Variants in MAPK13 observed in about 807,000 individuals in gnomAD.
MAPK13 encodes the protein mitogen-activated protein kinase 13, also known as MAP kinase 13.
A neutral mutation model predicts 53.5 loss-of-function variants in MAPK13; 39 were observed. The observed-to-expected ratio is 0.73, with a 90% CI of 0.56 to 0.95. The LOEUF (loss-of-function observed/expected upper bound fraction) is 0.95. Among genes scored for constraint, MAPK13 ranks in the 40% least tolerant of loss-of-function variants. MAPK13 has a pLI of 0.00. For synonymous variants in MAPK13, 179 were observed against 190.9 expected (o/e 0.94, Z 0.51); for missense variants, 460 against 471.8 (o/e 0.98, Z 0.23).
intron 3 of MAPK13, among the ~76,000 whole-genome samples, chr6:36,133,409 T>C (rs1766356330): frequency 6.6e-6 from 1 of 152,050 alleles, no homozygotes; most frequent in Non-Finnish European, 1.5e-5. Flanking sequence ...TGATCTAAAG[T>C]AGGGATCTAA....
chr6:36,135,146 A>G (rs1287047873), intron 3 of MAPK13, among the ~76,000 whole-genome samples: 1 of 152,192 alleles, frequency 6.6e-6, no homozygotes, highest in Admixed American at 6.5e-5. Context: ...CCCCTGGCCT[A>G]TTTTATAATT....
intron 8 of MAPK13, 83 bp from the exon 9 acceptor site, chr6:36,138,282 C>CG (rs1766460254): frequency 2.9e-6 from 3 of 1,026,172 alleles, no homozygotes; most frequent in Non-Finnish European, 4.6e-6. Flanking sequence ...CCATGGTGCC[C>CG]GGGTGAAGTG....
chr6:36,137,297 T>C (rs1442423168), intron 8 of MAPK13, among the ~76,000 whole-genome samples: 1 of 151,732 alleles, frequency 6.6e-6, no homozygotes, highest in African/African-American at 2.4e-5. Flanking sequence ...GGGCAGATCA[T>C]GAGGTCAGGA....
intron 8 of MAPK13, 53 bp from the exon 9 acceptor site, chr6:36,138,312 G>C: frequency 7.2e-7 from 1 of 1,394,078 alleles, no homozygotes; most frequent in Non-Finnish European, 1.0e-6. Flanking sequence ...TCGCAGGAAG[G>C]GCAGTCTCAG....
rs939865154 is a variant in MAPK13 at position 36,130,866 on chromosome 6, A to G, written c.119+165A>G. 1 of 510,844 alleles carries G rather than the reference A, an allele frequency of 2.0e-6. No individual in the cohort carries two copies. The highest frequency in any genetic ancestry group is 2.1e-5 in the African/African-American group (1 of 48,684). 31.6% of individuals were successfully genotyped at this position (510,844 alleles called of 1,614,324 possible). ...AGCGGCCATCTCCCTTTTCTCACCG[A>G]GTGGCTGAGTGAGGTCTCTGGGGGT... On this transcript the variant is annotated intron_variant, in intron 1 of 11. Transcript: ENST00000211287. This position sits in a 1 kb window ranked among gnomAD's most constrained non-coding sequence, Gnocchi z 4.5.
intron 3 of MAPK13, among the ~76,000 whole-genome samples, chr6:36,133,673 G>A (rs1413109961): frequency 6.6e-6 from 1 of 152,194 alleles, no homozygotes; most frequent in African/African-American, 2.4e-5. Context: ...AAATAAATAT[G>A]AACCTCAGGA....
At position 36,131,291 on chromosome 6, in the gene MAPK13, C is replaced by T. The variant is rs1275889575; in HGVS notation, c.140C>T (p.Ser47Leu). 6.2e-7 allele frequency: 1 copy of T among 1,613,530 alleles called. No individual in the cohort carries two copies. Among genetic ancestry groups the T allele is most frequent in the Non-Finnish European group, 8.5e-7 (1 of 1,179,772 alleles). ...GACAGCTCGGCCATCGACAAGCGGTCAGGGGAGAAGGTGGCCATCAAGAAG... is the reference window on the plus strand; with the variant it reads ...GACAGCTCGGCCATCGACAAGCGGTTAGGGGAGAAGGTGGCCATCAAGAAG... ...GSVCSAIDKR[S>L]GEKVAIKKLS... Residue 47 changes from serine to leucine, a missense_variant, in exon 2 of 12, where the codon TCA (serine) becomes TTA (leucine). By Grantham distance (145) the Ser-to-Leu change is moderately radical (BLOSUM62 -2). Coordinates refer to ENST00000211287, the MANE Select transcript of MAPK13 (RefSeq NM_002754.5).
Position 36,138,937 on chromosome 6 carries a change from GCAGGCCCTCACC to G in MAPK13, c.903_914del (p.Gln301_Thr304del), listed in dbSNP as rs752189823. 35 of 1,612,936 alleles carry G rather than the reference GCAGGCCCTCACC, an allele frequency of 2.2e-5. No homozygotes were observed. The highest frequency in any genetic ancestry group is 3.0e-5 in the Non-Finnish European group (35 of 1,179,644). On this transcript the variant is annotated inframe_deletion, in exon 11 of 12. Transcript: ENST00000211287. Reference sequence around the variant, plus strand: ...ACGTGGACAAGCGCCTGACGGCCGCGCAGGCCCTCACCCATCCCTTCTTTGAACCCTTCCGGG... The same window carrying G: ...ACGTGGACAAGCGCCTGACGGCCGCGCATCCCTTCTTTGAACCCTTCCGGG...
chr6:36,137,834 C>T (rs1561790726), intron 8 of MAPK13, among the ~76,000 whole-genome samples: 1 of 150,424 alleles, frequency 6.6e-6, no homozygotes, highest in Non-Finnish European at 1.5e-5. Context: ...TGGTTCACGC[C>T]TGTAATCCCA....
In MAPK13 at chr6:36,139,037, A is replaced by C; in HGVS notation, c.1000A>C (p.Thr334Pro). Residue 334 changes from threonine (T) to proline (P), a missense_variant, in exon 11 of 12, where the codon ACA (threonine) becomes CCA (proline). Coordinates refer to ENST00000211287, the MANE Select transcript of MAPK13 (RefSeq NM_002754.5). ...FDDSLEHEKLTVDEWKQHIYK... is the reference protein window; with the variant it reads ...FDDSLEHEKLPVDEWKQHIYK... The stretch of plus-strand genomic sequence containing the variant: ...TGATTCCTTAGAACACGAGAAACTC[A>C]CAGTGGATGAATGGAAGCGTAAGAG... 4 of 1,602,920 alleles carry C rather than the reference A, an allele frequency of 2.5e-6. No homozygotes were observed. Among genetic ancestry groups the C allele is most frequent in the Non-Finnish European group, 3.4e-6 (4 of 1,175,950 alleles).
At chr6:36,137,425 G>A (rs1409313392) in intron 8 of MAPK13, among the ~76,000 whole-genome samples, 1 of 151,972 alleles carries the variant, frequency 6.6e-6, no homozygotes, top group African/African-American at 2.4e-5. Context: ...TGAGGCAGGA[G>A]AATGGCGTGA....
chr6:36,138,052 T>G (rs1334365896), intron 8 of MAPK13, among the ~76,000 whole-genome samples: 2 of 151,630 alleles, frequency 1.3e-5, no homozygotes, highest in Non-Finnish European at 2.9e-5. Flanking sequence ...ACACATTAAC[T>G]GAGTACCTGT....
At position 36,135,746 on chromosome 6, in the gene MAPK13, CTTCCA is replaced by C; in HGVS notation, c.309-6_309-2del. 2 of 1,607,826 alleles carry C rather than the reference CTTCCA, an allele frequency of 1.2e-6. No homozygotes were observed. Among genetic ancestry groups the C allele is most frequent in the Non-Finnish European group, 8.5e-7 (1 of 1,175,488 alleles). On this transcript the variant is annotated splice_acceptor_variant and splice_polypyrimidine_tract_variant and intron_variant, in intron 3 of 11. Coordinates refer to ENST00000211287, the MANE Select transcript of MAPK13 (RefSeq NM_002754.5). LOFTEE classifies it high-confidence loss of function. ...GCACTGTTCCAAGAACCCCTCATGC[CTTCCA>C]GCTACCTGGTGATGCCCTTCATGCA...
At position 36,131,383 on chromosome 6, in the gene MAPK13, C is replaced by A; in HGVS notation, c.232C>A (p.His78Asn). Residue 78 changes from histidine (H) to asparagine (N), a missense_variant, in exon 2 of 12, where the codon CAC becomes AAC. Physicochemically the swap from His to Asn is moderately conservative, Grantham distance 68 (BLOSUM62 1). Transcript: ENST00000211287. ...CTACCGGGAGCTGCTGCTGCTGAAG[C>A]ACATGCAGCATGAGAACGTAGGTGG... The part of the protein sequence containing the change: ...RAYRELLLLK[H>N]MQHENVIGLL... The A allele has an allele frequency of 6.2e-7, 1 of 1,613,286 alleles. No individual in the cohort carries two copies. Among genetic ancestry groups the A allele is most frequent in the Non-Finnish European group, 8.5e-7 (1 of 1,179,620 alleles).
chr6:36,135,582 C>T (rs1455773199), intron 3 of MAPK13, among the ~76,000 whole-genome samples, 171 bp from the exon 4 acceptor site: 2 of 152,238 alleles, frequency 1.3e-5, no homozygotes, highest in East Asian at 3.8e-4. Context: ...GACTGGGAGC[C>T]AGGAGCCCAG....
chr6:36,133,068 C>G (rs1291083722), intron 3 of MAPK13, among the ~76,000 whole-genome samples: 2 of 152,212 alleles, frequency 1.3e-5, no homozygotes, highest in East Asian at 3.9e-4. Flanking sequence ...GATTAAGAAG[C>G]CTTGGCTGCC....
At position 36,138,928 on chromosome 6, in the gene MAPK13, G is replaced by C. The variant is rs758015594; in HGVS notation, c.891G>C (p.Leu297=). ...KMLELDVDKR[L]TAAQALTHPF... is the part of the protein sequence containing the mutation. Reference sequence around the variant, plus strand: ...TGGAGCTAGACGTGGACAAGCGCCTGACGGCCGCGCAGGCCCTCACCCATC... The same window carrying C: ...TGGAGCTAGACGTGGACAAGCGCCTCACGGCCGCGCAGGCCCTCACCCATC... Residue 297 remains leucine, a synonymous_variant, in exon 11 of 12, where the codon CTG becomes CTC. Coordinates refer to ENST00000211287, the MANE Select transcript of MAPK13 (RefSeq NM_002754.5). 3.1e-6 allele frequency: 5 copies of C among 1,612,656 alleles called. No individual in the cohort carries two copies. Among genetic ancestry groups the C allele is most frequent in the Non-Finnish European group, 4.2e-6 (5 of 1,179,500 alleles).
At position 36,136,904 on chromosome 6, in the gene MAPK13, C is replaced by A. The variant is rs1766429354; in HGVS notation, c.636C>A (p.Ile212=). The A allele has an allele frequency of 1.9e-6, 3 of 1,614,204 alleles. No individual in the cohort carries two copies. The highest frequency in any genetic ancestry group is 2.5e-6 in the Non-Finnish European group (3 of 1,180,024). The change falls in exon 8 of 12, where the codon ATC becomes ATA. Residue 212 remains isoleucine, a synonymous_variant. Transcript: ENST00000211287. ...TGGACATCTGGTCTGTGGGCTGTATCATGGCAGAGATGCTGACAGGGAAAA... is the reference window on the plus strand; with the variant it reads ...TGGACATCTGGTCTGTGGGCTGTATAATGGCAGAGATGCTGACAGGGAAAA... ...QTVDIWSVGC[I]MAEMLTGKTL...
intron 2 of MAPK13, 143 bp downstream of exon 2, chr6:36,131,543 GGAGGGGGTGCC>G: frequency 1.2e-6 from 1 of 815,116 alleles, no homozygotes; most frequent in South Asian, 1.8e-5. Context: ...ACTATTGAAA[GGAGGGGGTGCC>G]GAGACCTTCC....
Sources: allele counts gnomAD v4.1 joint callset (sites outside exome capture counted in the v4.1 genomes callset), GRCh38; gene constraint gnomAD v4.1.1; non-coding constraint Gnocchi (gnomAD v3.1); transcripts MANE v1.5; gene names NCBI Gene and HGNC (gene_info 2026-07-23, HGNC 2026-07-21).